The following PALM2AKAP2 variants were observed in gnomAD, a reference collection of about 807,000 sequenced individuals.
PALM2AKAP2 encodes the protein PALM2 and AKAP2 fusion.
In PALM2AKAP2, 37 loss-of-function variants were observed where a neutral mutation model predicts 71.5. That is an observed-to-expected ratio of 0.52 (90% confidence interval 0.40 to 0.68). The LOEUF is 0.68. Among genes scored for constraint, PALM2AKAP2 ranks in the 30% least tolerant of loss-of-function variants. PALM2AKAP2 has a pLI of 0.00. For synonymous variants in PALM2AKAP2, 468 were observed against 478.8 expected, an observed-to-expected ratio of 0.98 and a Z score of 0.29; for missense variants, 1,224 against 1,191.8, an observed-to-expected ratio of 1.03 and a Z score of -0.40.
At chr9:110,100,325 A>T (rs1345136859) in intron 1 of PALM2AKAP2, among the ~76,000 whole-genome samples, 1 of 152,100 alleles carries the variant, frequency 6.6e-6, no homozygotes, top group Admixed American at 6.5e-5. Context: ...TTCTAGAAGG[A>T]AGCTGATATC....
chr9:109,728,111 T>A (rs1482115358), intron 1 of PALM2AKAP2, among the ~76,000 whole-genome samples: 1 of 152,220 alleles, frequency 6.6e-6, no homozygotes, highest in Non-Finnish European at 1.5e-5. Flanking sequence ...GCAAGGGTAT[T>A]CTAGGTGAGA....
intron 1 of PALM2AKAP2, among the ~76,000 whole-genome samples, chr9:109,747,907 G>T (rs1190338402): frequency 6.6e-6 from 1 of 152,204 alleles, no homozygotes; most frequent in Middle Eastern, 3.2e-3. Flanking sequence ...CTGAGCTGAA[G>T]CGATCTGCCT....
At chr9:110,154,638 A>C (rs963174075) in intron 2 of PALM2AKAP2, among the ~76,000 whole-genome samples, 1 of 152,212 alleles carries the variant, frequency 6.6e-6, no homozygotes, top group Non-Finnish European at 1.5e-5. Flanking sequence ...AGATTTTGAA[A>C]TACTTATTAT....
intron 1 of PALM2AKAP2, among the ~76,000 whole-genome samples, chr9:109,692,766 C>A (rs73529138): frequency 0.053 from 8,095 of 151,956 alleles, 489 homozygotes; most frequent in African/African-American, 0.14. Context: ...GTTAAATGAA[C>A]CTTGCCTTTG....
At chr9:110,115,132 C>T (rs1296613596) in intron 1 of PALM2AKAP2, among the ~76,000 whole-genome samples, 1 of 152,108 alleles carries the variant, frequency 6.6e-6, no homozygotes, top group Non-Finnish European at 1.5e-5. Context: ...GCTGACCAGC[C>T]CTCAGCTGCT....
chr9:109,854,763 CTTTTTTTTTTTTT>C (rs34401582), intron 1 of PALM2AKAP2, among the ~76,000 whole-genome samples: 1 of 66,158 alleles, frequency 1.5e-5, no homozygotes, highest in South Asian at 7.2e-4. Flanking sequence ...AAGAATGTAT[CTTTTTTTTTTTTT>C]TTTTTTTTTT....
At chr9:110,067,280 T>C (rs1834101379) in intron 1 of PALM2AKAP2, among the ~76,000 whole-genome samples, 1 of 152,244 alleles carries the variant, frequency 6.6e-6, no homozygotes, top group Non-Finnish European at 1.5e-5. Flanking sequence ...CTCATTTTTC[T>C]AACAATGATA....
intron 1 of PALM2AKAP2, among the ~76,000 whole-genome samples, chr9:110,113,964 T>C (rs1176855506): frequency 6.6e-6 from 1 of 152,244 alleles, no homozygotes; most frequent in East Asian, 1.9e-4. Flanking sequence ...AGTCCTACCA[T>C]GTTCCCATTG....
chr9:109,769,126 T>C (rs1437848242), intron 1 of PALM2AKAP2, among the ~76,000 whole-genome samples: 1 of 150,964 alleles, frequency 6.6e-6, no homozygotes, highest in Admixed American at 6.6e-5. Context: ...TTACTGACAT[T>C]AGTTTGTTTC....
rs150929968 is a variant in PALM2AKAP2, at chr9:109,677,265, A to G, written c.5+36399A>G. ...AAAGAGACAACTTACTCTGTGATTC[A>G]CAGGACCCAACTTAGAGATTTTTGG... On this transcript the variant is annotated intron_variant, in intron 1 of 6. Transcript: ENST00000374531. Among the ~76,000 whole-genome samples, 178 of 152,340 alleles carry G rather than the reference A, an allele frequency of 1.2e-3. 1 individual carries two copies. The highest frequency in any genetic ancestry group is 4.0e-3 in the African/African-American group (167 of 41,572).
chr9:110,026,134 G>A (rs577693200), intron 7 of PALM2AKAP2, among the ~76,000 whole-genome samples: 1 of 152,118 alleles, frequency 6.6e-6, no homozygotes, highest in Admixed American at 6.6e-5. Context: ...CCAGGCTGGA[G>A]CACAGTGTGA....
chr9:110,008,983 T>C (rs1186939727), intron 6 of PALM2AKAP2, among the ~76,000 whole-genome samples: 1 of 152,174 alleles, frequency 6.6e-6, no homozygotes, highest in African/African-American at 2.4e-5. Flanking sequence ...AGTGAAATCC[T>C]GTTACATGTC....
At chr9:109,855,906 A>T (rs886638098) in intron 1 of PALM2AKAP2, among the ~76,000 whole-genome samples, 1 of 152,220 alleles carries the variant, frequency 6.6e-6, no homozygotes, top group Non-Finnish European at 1.5e-5. Flanking sequence ...TAACCTGAAA[A>T]GATAGAGTAA....
At chr9:109,790,477 C>A (rs1827085554) in intron 1 of PALM2AKAP2, among the ~76,000 whole-genome samples, 1 of 152,134 alleles carries the variant, frequency 6.6e-6, no homozygotes, top group Admixed American at 6.5e-5. Flanking sequence ...AACTTAACCC[C>A]TTTGGTGGCA....
intron 1 of PALM2AKAP2, among the ~76,000 whole-genome samples, chr9:109,797,442 G>A (rs565132287): frequency 6.6e-6 from 1 of 152,342 alleles, no homozygotes; most frequent in Admixed American, 6.5e-5. Context: ...CGCATGGAAA[G>A]CATCCACAAA....
chr9:109,897,149 C>T (rs901870109), intron 3 of PALM2AKAP2, among the ~76,000 whole-genome samples: 2 of 152,184 alleles, frequency 1.3e-5, no homozygotes, highest in Non-Finnish European at 2.9e-5. Flanking sequence ...TTCTTCCCTT[C>T]GTCACTTATG....
intron 3 of PALM2AKAP2, among the ~76,000 whole-genome samples, chr9:109,904,230 T>C (rs1350962868): frequency 6.6e-6 from 1 of 152,230 alleles, no homozygotes; most frequent in African/African-American, 2.4e-5. Context: ...TTATAACCAT[T>C]TTATAGATTG....
At chr9:110,081,093 C>G (rs932315912) in intron 1 of PALM2AKAP2, among the ~76,000 whole-genome samples, 1 of 152,170 alleles carries the variant, frequency 6.6e-6, no homozygotes, top group African/African-American at 2.4e-5. Flanking sequence ...ATGAAAGATA[C>G]ATATTTAAAG....
At chr9:109,811,112 G>A (rs939839459) in intron 1 of PALM2AKAP2, among the ~76,000 whole-genome samples, 1 of 152,126 alleles carries the variant, frequency 6.6e-6, no homozygotes, top group Non-Finnish European at 1.5e-5. Flanking sequence ...TACCTCCAAC[G>A]GCTCCCCTGT....
Sources: allele counts gnomAD v4.1 joint callset (sites outside exome capture counted in the v4.1 genomes callset), GRCh38; gene constraint gnomAD v4.1.1; transcripts MANE v1.5; gene names NCBI Gene and HGNC (gene_info 2026-07-23, HGNC 2026-07-21).